Variants in GPR12 observed in about 807,000 individuals in gnomAD.
GPR12 encodes the protein G protein-coupled receptor 12, also known as G-protein coupled receptor 12.
GPR12 carries 7 observed loss-of-function variants against 18.9 expected under a neutral mutation model. The observed-to-expected ratio is 0.37, with a 90% CI of 0.21 to 0.70. The LOEUF is 0.70. Ranked by LOEUF, GPR12 falls within the 30% of genes least tolerant of loss-of-function variation. The pLI, the probability that GPR12 is intolerant of heterozygous loss-of-function variation, is 0.54. For synonymous variants in GPR12, 201 were observed against 188.6 expected (o/e 1.07, Z -0.54); for missense variants, 327 against 427.7 (o/e 0.76, Z 2.08).
At position 26,756,236 on chromosome 13, in the gene GPR12, G is replaced by A. The variant is rs796594750; in HGVS notation, c.*2587C>T. On this transcript the variant is annotated 3_prime_UTR_variant, in exon 2 of 2. Transcript: ENST00000405846. ...GGAGTCTTGCTCTGTCACCCAGGCT[G>A]GAGTGCAGTGGTGCGATCTTTGTTC... is the stretch of plus-strand genomic sequence containing the variant. 10 of 152,106 alleles carry A rather than the reference G, an allele frequency of 6.6e-5. No individual in the cohort carries two copies. The highest frequency in any genetic ancestry group is 2.4e-4 in the African/African-American group (10 of 41,484). The allele number at this position is 152,106 out of a possible 1,614,324, so 9.4% of individuals were successfully genotyped here. A position where few individuals can be genotyped will look rare whatever the true frequency, so the allele number is the denominator to read the frequency against.
At chr13:26,760,474 G>A (rs1884462375) in intron 1 of GPR12, 105 bp downstream of exon 1, 1 of 151,920 alleles carries the variant, frequency 6.6e-6, no homozygotes, top group African/African-American at 2.4e-5. Context: ...CCCATGCACT[G>A]CTGCCGATTC....
In GPR12 at chr13:26,755,406, A is replaced by T. The variant is rs1270293035; in HGVS notation, c.*3417T>A. The T allele has an allele frequency of 6.6e-6, 1 of 151,884 alleles. No individual in the cohort carries two copies. The highest frequency in any genetic ancestry group is 2.1e-4 in the South Asian group (1 of 4,828). The allele number at this position is 151,884 out of a possible 1,614,324, so 9.4% of individuals were successfully genotyped here. On this transcript the variant is annotated 3_prime_UTR_variant, in exon 2 of 2. Coordinates refer to ENST00000405846, the MANE Select transcript of GPR12 (RefSeq NM_005288.4). ...TCATTATTTTAATAATGGATTAAGC[A>T]TTTTTTTTAAAAAGCCGAAGAAGTC... is the stretch of plus-strand genomic sequence containing the variant.
chr13:26,758,773 A>G lies in GPR12; in HGVS notation c.*50T>C. The G allele has an allele frequency of 6.5e-7, 1 of 1,540,538 alleles. No individual in the cohort carries two copies. Among genetic ancestry groups the G allele is most frequent in the Non-Finnish European group, 8.8e-7 (1 of 1,141,522 alleles). ...AAGGGAAGCATCTCAAACCTTGGCC[A>G]GGCAGTGGAAGTGCTTGGTAAATGC... On this transcript the variant is annotated 3_prime_UTR_variant, in exon 2 of 2. Transcript: ENST00000405846.
chr13:26,759,981 G>C, intron 1 of GPR12, 139 bp from the exon 2 acceptor site: 2 of 1,322,796 alleles, frequency 1.5e-6, no homozygotes, highest in Non-Finnish European at 2.0e-6. Flanking sequence ...TCGGGAATGA[G>C]GAACTGTTGG....
rs1235737372 is a variant in GPR12 at position 26,757,496 on chromosome 13, C to G, written c.*1327G>C. 6.6e-6 allele frequency: 1 copy of G among 152,194 alleles called. No individual in the cohort carries two copies. The highest frequency in any genetic ancestry group is 2.4e-5 in the African/African-American group (1 of 41,448). The allele number at this position is 152,194 out of a possible 1,614,324, so 9.4% of individuals were successfully genotyped here. ...TTTTACAATGTGTTTAAAGTGAATT[C>G]TTCTTTGCAATTTCCTGACTACATT... On this transcript the variant is annotated 3_prime_UTR_variant, in exon 2 of 2. Coordinates refer to ENST00000405846, the MANE Select transcript of GPR12 (RefSeq NM_005288.4).
In GPR12 at chr13:26,759,842, T is replaced by C. The variant is rs1397044043; in HGVS notation, c.-15A>G. On this transcript the variant is annotated splice_region_variant and 5_prime_UTR_variant, in exon 2 of 2. Coordinates refer to ENST00000405846, the MANE Select transcript of GPR12 (RefSeq NM_005288.4). Reference sequence around the variant, plus strand: ...TCTTCATTCATTTTAACCCCTGTCCTCTTCAACGAAAAGACAGGCTTTTTA... The same window carrying C: ...TCTTCATTCATTTTAACCCCTGTCCCCTTCAACGAAAAGACAGGCTTTTTA... 6.5e-7 allele frequency: 1 copy of C among 1,538,298 alleles called. No homozygotes were observed. Among genetic ancestry groups the C allele is most frequent in the Non-Finnish European group, 8.8e-7 (1 of 1,142,682 alleles).
rs1021811438 is a variant in GPR12 at position 26,760,671 on chromosome 13, A to AG, written c.-109dup. ...GTCGGCGCAGTTGCCCGCTGTGGCA[A>AG]GGGGGGGGCGGCCGGGCTCCGGAGC... is the stretch of plus-strand genomic sequence containing the variant. On this transcript the variant is annotated 5_prime_UTR_variant, in exon 1 of 2. Transcript: ENST00000405846. 10 of 147,228 alleles carry AG rather than the reference A, an allele frequency of 6.8e-5. No homozygotes were observed. Among genetic ancestry groups the AG allele is most frequent in the African/African-American group, 1.8e-4 (7 of 39,654 alleles). 9.1% of individuals were successfully genotyped at this position (147,228 alleles called of 1,614,324 possible).
In GPR12 at chr13:26,759,315, C is replaced by G. The variant is rs764101114; in HGVS notation, c.513G>C (p.Leu171=). 125 of 1,613,168 alleles carry G rather than the reference C, an allele frequency of 7.7e-5. No individual in the cohort carries two copies. The highest frequency in any genetic ancestry group is 1.0e-4 in the Non-Finnish European group (120 of 1,180,010). Residue 171 remains leucine, a synonymous_variant, in exon 2 of 2, where the codon CTG becomes CTC. Transcript: ENST00000405846. ...LVMLWGTSIC[L]GLLPVMGWNC... is the part of the protein sequence containing the mutation. The stretch of plus-strand genomic sequence containing the variant: ...TCCAGCCCATGACGGGCAGCAGCCC[C>G]AGGCAGATGGAGGTCCCCCAGAGCA...
In GPR12 at chr13:26,757,655, T is replaced by G. The variant is rs545212800; in HGVS notation, c.*1168A>C. 6.6e-6 allele frequency: 1 copy of G among 152,322 alleles called. No individual in the cohort carries two copies. The highest frequency in any genetic ancestry group is 2.1e-4 in the South Asian group (1 of 4,828). 9.4% of individuals were successfully genotyped at this position (152,322 alleles called of 1,614,324 possible). On this transcript the variant is annotated 3_prime_UTR_variant, in exon 2 of 2. Coordinates refer to ENST00000405846, the MANE Select transcript of GPR12 (RefSeq NM_005288.4). ...ATTCTGTTTATGACCTTACAGGATA[T>G]AGCTGGTATATGTCACAGTCATAGA...
rs543230649 is a variant in GPR12, at chr13:26,757,528, C to G, written c.*1295G>C. 3.9e-5 allele frequency: 6 copies of G among 152,188 alleles called. No individual in the cohort carries two copies. Among genetic ancestry groups the G allele is most frequent in the African/African-American group, 1.4e-4 (6 of 41,430 alleles). 9.4% of individuals were successfully genotyped at this position (152,188 alleles called of 1,614,324 possible). On this transcript the variant is annotated 3_prime_UTR_variant, in exon 2 of 2. Transcript: ENST00000405846. ...GCAATTTCCTGACTACATTCTTGTT[C>G]TCTGAAAACAGGCAATGTGATTTTT...
rs891118500 is a variant in GPR12, at chr13:26,756,488, G to C, written c.*2335C>G. On this transcript the variant is annotated 3_prime_UTR_variant, in exon 2 of 2. Transcript: ENST00000405846. ...GGCGTGAGCCACTGCGCCAGGCCAA[G>C]TTTTATGTCTTAAATGTAGAGCCAA... 1 of 152,262 alleles carries C rather than the reference G, an allele frequency of 6.6e-6. No homozygotes were observed. The highest frequency in any genetic ancestry group is 6.5e-5 in the Admixed American group (1 of 15,272). 9.4% of individuals were successfully genotyped at this position (152,262 alleles called of 1,614,324 possible). A position where few individuals can be genotyped will look rare whatever the true frequency, so the allele number is the denominator to read the frequency against.
rs954132357 is a variant in GPR12, at chr13:26,756,672, A to AT, written c.*2150dup. The AT allele has an allele frequency of 3.9e-5, 6 of 152,174 alleles. No homozygotes were observed. Among genetic ancestry groups the AT allele is most frequent in the Non-Finnish European group, 8.8e-5 (6 of 68,034 alleles). 9.4% of individuals were successfully genotyped at this position (152,174 alleles called of 1,614,324 possible). On this transcript the variant is annotated 3_prime_UTR_variant, in exon 2 of 2. Coordinates refer to ENST00000405846, the MANE Select transcript of GPR12 (RefSeq NM_005288.4). The stretch of plus-strand genomic sequence containing the variant: ...CCTTGTGCTTTGTGGCCTCGGGCAC[A>AT]TTTTTTATCCTCGCCTCTCTTAGTC...
rs1884371534 is a variant in GPR12, at chr13:26,756,253, T to C, written c.*2570A>G. On this transcript the variant is annotated 3_prime_UTR_variant, in exon 2 of 2. Coordinates refer to ENST00000405846, the MANE Select transcript of GPR12 (RefSeq NM_005288.4). Reference sequence around the variant, plus strand: ...CCCAGGCTGGAGTGCAGTGGTGCGATCTTTGTTCACTGCTACCTCTGCCTC... The same window carrying C: ...CCCAGGCTGGAGTGCAGTGGTGCGACCTTTGTTCACTGCTACCTCTGCCTC... The C allele has an allele frequency of 6.6e-6, 1 of 152,168 alleles. No individual in the cohort carries two copies. Among genetic ancestry groups the C allele is most frequent in the Non-Finnish European group, 1.5e-5 (1 of 68,034 alleles). 9.4% of individuals were successfully genotyped at this position (152,168 alleles called of 1,614,324 possible). A position where few individuals can be genotyped will look rare whatever the true frequency, so the allele number is the denominator to read the frequency against.
rs755107935 is a variant in GPR12 at position 26,759,207 on chromosome 13, G to A, written c.621C>T (p.Leu207=). 3 of 1,612,686 alleles carry A rather than the reference G, an allele frequency of 1.9e-6. No individual in the cohort carries two copies. Among genetic ancestry groups the A allele is most frequent in the South Asian group, 1.1e-5 (1 of 90,950 alleles). The change falls in exon 2 of 2, where the codon CTC becomes CTT. Residue 207 remains leucine (L), a synonymous_variant. Transcript: ENST00000405846. ...NNAAILSVSF[L]FMFALMLQLY... Reference sequence around the variant, plus strand: ...GCTGAAGCATGAGCGCAAACATGAAGAGGAAGGACACCGAGAGGATGGCCG... The same window carrying A: ...GCTGAAGCATGAGCGCAAACATGAAAAGGAAGGACACCGAGAGGATGGCCG...
In GPR12 at chr13:26,755,414, T is replaced by TA. The variant is rs1056176293; in HGVS notation, c.*3408dup. On this transcript the variant is annotated 3_prime_UTR_variant, in exon 2 of 2. Coordinates refer to ENST00000405846, the MANE Select transcript of GPR12 (RefSeq NM_005288.4). ...TTAATAATGGATTAAGCATTTTTTTTAAAAAGCCGAAGAAGTCTCCATGAT... is the reference window on the plus strand; with the variant it reads ...TTAATAATGGATTAAGCATTTTTTTTAAAAAAGCCGAAGAAGTCTCCATGAT... 2.0e-4 allele frequency: 31 copies of TA among 152,252 alleles called. No individual in the cohort carries two copies. The highest frequency in any genetic ancestry group is 6.3e-4 in the African/African-American group (26 of 41,538). 9.4% of individuals were successfully genotyped at this position (152,252 alleles called of 1,614,324 possible). A position where few individuals can be genotyped will look rare whatever the true frequency, so the allele number is the denominator to read the frequency against.
At position 26,759,818 on chromosome 13, in the gene GPR12, C is replaced by A. The variant is rs758367573; in HGVS notation, c.10G>T (p.Asp4Tyr). The A allele has an allele frequency of 1.9e-6, 3 of 1,580,694 alleles. No individual in the cohort carries two copies. The highest frequency in any genetic ancestry group is 2.6e-6 in the Non-Finnish European group (3 of 1,159,834). Residue 4 changes from aspartate to tyrosine, a missense_variant, in exon 2 of 2, where the codon GAC (aspartate) becomes TAC (tyrosine). By Grantham distance (160) the Asp-to-Tyr change is radical (BLOSUM62 -3). Coordinates refer to ENST00000405846, the MANE Select transcript of GPR12 (RefSeq NM_005288.4). MNE[D>Y]LKVNLSGLPR... is the part of the protein sequence containing the mutation. ...AGCCCGCTTAAATTGACCTTCAGGT[C>A]TTCATTCATTTTAACCCCTGTCCTC...
chr13:26,759,315 C>T lies in GPR12; in HGVS notation c.513G>A (p.Leu171=). The change falls in exon 2 of 2, where the codon CTG becomes CTA. Residue 171 remains leucine, a synonymous_variant. Transcript: ENST00000405846. ...LVMLWGTSIC[L]GLLPVMGWNC... The stretch of plus-strand genomic sequence containing the variant: ...TCCAGCCCATGACGGGCAGCAGCCC[C>T]AGGCAGATGGAGGTCCCCCAGAGCA... 6.2e-7 allele frequency: 1 copy of T among 1,613,288 alleles called. No homozygotes were observed. The highest frequency in any genetic ancestry group is 8.5e-7 in the Non-Finnish European group (1 of 1,180,002).
At position 26,755,636 on chromosome 13, in the gene GPR12, C is replaced by T. The variant is rs1228928513; in HGVS notation, c.*3187G>A. The T allele has an allele frequency of 1.3e-5, 2 of 152,096 alleles. No homozygotes were observed. The highest frequency in any genetic ancestry group is 4.8e-5 in the African/African-American group (2 of 41,394). 9.4% of individuals were successfully genotyped at this position (152,096 alleles called of 1,614,324 possible). The stretch of plus-strand genomic sequence containing the variant: ...GCTCTATCTCCACCCTGCTTCCCTG[C>T]CCCAGGTACCTTTAAAAACAAACTT... On this transcript the variant is annotated 3_prime_UTR_variant, in exon 2 of 2. Coordinates refer to ENST00000405846, the MANE Select transcript of GPR12 (RefSeq NM_005288.4).
chr13:26,759,529 T>C lies in GPR12; in HGVS notation c.299A>G (p.Asn100Ser), dbSNP rs1884442060. 2 of 1,613,972 alleles carry C rather than the reference T, an allele frequency of 1.2e-6. No individual in the cohort carries two copies. Among genetic ancestry groups the C allele is most frequent in the South Asian group, 1.1e-5 (1 of 91,056 alleles). ...CTGAAGCAGGTAGGCAAAAACAAAA[T>C]TGGTGATGAGTCCAATGCCGGCCAG... The part of the protein sequence containing the change: ...DLLAGIGLIT[N>S]FVFAYLLQSE... Residue 100 changes from asparagine to serine, a missense_variant, in exon 2 of 2, where the codon AAT becomes AGT. By Grantham distance (46) the Asn-to-Ser change is conservative. Coordinates refer to ENST00000405846, the MANE Select transcript of GPR12 (RefSeq NM_005288.4).
Sources: allele counts gnomAD v4.1 joint callset, GRCh38; gene constraint gnomAD v4.1.1; transcripts MANE v1.5; gene names NCBI Gene and HGNC (gene_info 2026-07-23, HGNC 2026-07-21).